The following DPP10 variants were observed in gnomAD, a reference collection of about 807,000 sequenced individuals.
DPP10 encodes inactive dipeptidyl peptidase 10.
Under a neutral mutation model 120.9 loss-of-function variants are expected in DPP10, and 33 were observed. That is an observed-to-expected ratio of 0.27 (90% CI 0.21 to 0.37). The LOEUF (loss-of-function observed/expected upper bound fraction) is 0.37. Ranked by LOEUF, DPP10 falls within the 10% of genes least tolerant of loss-of-function variation. The pLI, the probability that DPP10 is intolerant of heterozygous loss-of-function variation, is 1.00. For missense variants in DPP10, 816 were observed against 942.8 expected (o/e 0.87, Z 1.76); for synonymous variants, 337 against 326.1 (o/e 1.03, Z -0.36).
At chr2:114,460,056 C>T (rs1303517804) in intron 1 of DPP10, among the ~76,000 whole-genome samples, 5 of 152,130 alleles carry the variant, frequency 3.3e-5, no homozygotes, top group Non-Finnish European at 7.4e-5. Context: ...CTATTTTCTT[C>T]TACAGATTAT....
chr2:114,743,054 G>C (rs1678220689), intron 1 of DPP10, among the ~76,000 whole-genome samples: 2 of 152,102 alleles, frequency 1.3e-5, no homozygotes, highest in Non-Finnish European at 2.9e-5. Context: ...CCATCACTAT[G>C]GTTCAGAGAA....
intron 1 of DPP10, among the ~76,000 whole-genome samples, chr2:114,745,567 CACAA>C (rs1198781809): frequency 6.6e-6 from 1 of 151,802 alleles, no homozygotes; most frequent in Non-Finnish European, 1.5e-5. Context: ...TTTAATTTTC[CACAA>C]ACAAATATCC....
In DPP10 at chr2:115,505,632, T is replaced by C. The variant is rs183667106; in HGVS notation, c.366+6028T>C. On this transcript the variant is annotated intron_variant, in intron 4 of 25. Transcript: ENST00000410059. ...CTAGTTTAAACATTTGATGGATATT[T>C]CTGCCCTTCATTTTCTTGCTGAATA... Among the ~76,000 whole-genome samples the C allele has an allele frequency of 1.3e-3, 192 of 152,274 alleles. 1 individual carries two copies. The highest frequency in any genetic ancestry group is 4.5e-3 in the African/African-American group (189 of 41,580).
At chr2:114,999,192 T>C (rs1306734453) in intron 1 of DPP10, among the ~76,000 whole-genome samples, 1 of 152,148 alleles carries the variant, frequency 6.6e-6, no homozygotes, top group Non-Finnish European at 1.5e-5. Context: ...GCAAAGTAAA[T>C]ATTAGTTGAC....
intron 5 of DPP10, among the ~76,000 whole-genome samples, chr2:115,649,377 T>C (rs73946583): frequency 1.3e-5 from 2 of 152,122 alleles, no homozygotes; most frequent in African/African-American, 4.8e-5. Flanking sequence ...AAGATTAACA[T>C]TAAACTCGTG....
At chr2:115,622,510 C>CTTTTTTTTTTTTTTTTTTTTTTTG (rs70941082) in intron 5 of DPP10, among the ~76,000 whole-genome samples, 4 of 117,446 alleles carry the variant, frequency 3.4e-5, no homozygotes, top group African/African-American at 6.7e-5. Flanking sequence ...ATTTTATTGT[C>CTTTTTTTTTTTTTTTTTTTTTTTG]TTTTTTTTTT....
At chr2:115,646,084 GCACACACATGCACGTGCGTGCGCGCA>G (rs1335441576) in intron 5 of DPP10, among the ~76,000 whole-genome samples, 1 of 151,628 alleles carries the variant, frequency 6.6e-6, no homozygotes, top group African/African-American at 2.4e-5. Context: ...ACATACACAT[GCACACACATGCACGTGCGTGCGCGCA>G]CACACACACA....
chr2:115,539,964 C>A (rs1375984386), intron 5 of DPP10, among the ~76,000 whole-genome samples: 1 of 151,724 alleles, frequency 6.6e-6, no homozygotes, highest in African/African-American at 2.4e-5. Context: ...TTCACGCTGC[C>A]TATTTTAAAA....
At chr2:115,419,788 G>C (rs566064475) in intron 3 of DPP10, among the ~76,000 whole-genome samples, 160 of 152,152 alleles carry the variant, frequency 1.1e-3, no homozygotes, top group Non-Finnish European at 2.1e-3. Context: ...CTACAGAAAA[G>C]AAAGAACTAA....
intron 1 of DPP10, among the ~76,000 whole-genome samples, chr2:115,056,030 G>C (rs1573451123): frequency 1.3e-5 from 2 of 152,134 alleles, no homozygotes; most frequent in South Asian, 4.1e-4. Flanking sequence ...CTACTACCTA[G>C]CTTAATAAAT....
At chr2:114,989,032 T>C (rs1191935230) in intron 1 of DPP10, among the ~76,000 whole-genome samples, 1 of 152,138 alleles carries the variant, frequency 6.6e-6, no homozygotes, top group Non-Finnish European at 1.5e-5. Flanking sequence ...CAAACAACCA[T>C]ATATCATAAA....
At chr2:115,466,974 T>C (rs2074366255) in intron 3 of DPP10, among the ~76,000 whole-genome samples, 1 of 152,136 alleles carries the variant, frequency 6.6e-6, no homozygotes, top group African/African-American at 2.4e-5. Flanking sequence ...GAGGAAGTAC[T>C]TCTTGGTGAC....
intron 3 of DPP10, among the ~76,000 whole-genome samples, chr2:115,466,855 G>A: frequency 6.6e-6 from 1 of 152,094 alleles, no homozygotes; most frequent in East Asian, 1.9e-4. Context: ...TATCTTCCTG[G>A]AAGAGTTGTG....
At chr2:115,398,838 G>A (rs762522761) in intron 3 of DPP10, among the ~76,000 whole-genome samples, 1 of 152,092 alleles carries the variant, frequency 6.6e-6, no homozygotes, top group Admixed American at 6.6e-5. Flanking sequence ...TATTTAAAAA[G>A]AGGTCTGTTT....
At chr2:115,485,361 C>T (rs1172912644) in intron 3 of DPP10, among the ~76,000 whole-genome samples, 1 of 151,836 alleles carries the variant, frequency 6.6e-6, no homozygotes, top group Non-Finnish European at 1.5e-5. Flanking sequence ...CTTGCTATTA[C>T]CTTAGAACTA....
chr2:114,969,350 A>G (rs1699244447), intron 1 of DPP10, among the ~76,000 whole-genome samples: 1 of 152,212 alleles, frequency 6.6e-6, no homozygotes, highest in African/African-American at 2.4e-5. Context: ...TTTACAAAGG[A>G]ATTTACATAG....
intron 1 of DPP10, among the ~76,000 whole-genome samples, chr2:114,557,289 A>G (rs1300584332): frequency 6.6e-6 from 1 of 152,122 alleles, no homozygotes; most frequent in Non-Finnish European, 1.5e-5. Flanking sequence ...TGAGCAAGCC[A>G]TTTGCTCTCA....
chr2:114,959,042 G>T (rs1359717898), intron 1 of DPP10, among the ~76,000 whole-genome samples: 1 of 151,870 alleles, frequency 6.6e-6, no homozygotes, highest in Admixed American at 6.6e-5. Context: ...TTGTTTGGTG[G>T]TTTTTTTGGT....
chr2:114,800,210 A>G (rs1684076656), intron 1 of DPP10, among the ~76,000 whole-genome samples: 1 of 152,258 alleles, frequency 6.6e-6, no homozygotes, highest in Non-Finnish European at 1.5e-5. Context: ...TGAAAGGGAA[A>G]CATCCATAAT....
Sources: gnomAD v4.1 joint callset for allele counts (sites outside exome capture counted in the v4.1 genomes callset) on GRCh38, gnomAD v4.1.1 for gene constraint, MANE v1.5 for transcripts, NCBI Gene and HGNC (gene_info 2026-07-23, HGNC 2026-07-21) for gene names.